RBFOX1: variants seen among roughly 807,000 people sequenced by gnomAD.
RBFOX1 encodes RNA binding fox-1 homolog 1.
RBFOX1 carries 8 observed loss-of-function variants against 57.7 expected under a neutral mutation model. That is an observed-to-expected ratio of 0.14 (90% CI 0.08 to 0.25). The LOEUF (loss-of-function observed/expected upper bound fraction) is 0.25. RBFOX1 is among the 10% of genes least tolerant of loss of function. The pLI, the probability that RBFOX1 is intolerant of heterozygous loss-of-function variation, is 1.00. For missense variants in RBFOX1, 611 were observed against 548.5 expected (o/e 1.11, Z -1.14); for synonymous variants, 326 against 222.4 (o/e 1.47, Z -4.15).
chr16:7,239,950 C>T (rs1034396783), intron 4 of RBFOX1, among the ~76,000 whole-genome samples: 3 of 152,104 alleles, frequency 2.0e-5, no homozygotes, highest in African/African-American at 7.2e-5. Context: ...AACTTCCTAC[C>T]TGTTGAAACT....
At chr16:5,955,563 G>C (rs1389415606) in intron 4 of RBFOX1, among the ~76,000 whole-genome samples, 1 of 152,020 alleles carries the variant, frequency 6.6e-6, no homozygotes, top group Non-Finnish European at 1.5e-5. Context: ...CTACAATATG[G>C]TAAATATTGT....
intron 4 of RBFOX1, among the ~76,000 whole-genome samples, chr16:5,985,751 G>C (rs2060273851): frequency 6.6e-6 from 1 of 152,140 alleles, no homozygotes; most frequent in African/African-American, 2.4e-5. Context: ...CCAAAGACAA[G>C]AATCCAGTGT....
At chr16:6,036,414 C>T (rs1177392194) in intron 1 of RBFOX1, among the ~76,000 whole-genome samples, 3 of 151,276 alleles carry the variant, frequency 2.0e-5, no homozygotes, top group African/African-American at 7.3e-5. Flanking sequence ...TTTGCCATTG[C>T]TTTTTTGGGG....
chr16:6,306,023 A>C (rs1039246504), intron 1 of RBFOX1, among the ~76,000 whole-genome samples: 6 of 151,468 alleles, frequency 4.0e-5, no homozygotes, highest in African/African-American at 1.5e-4. Flanking sequence ...AGAATTATTC[A>C]CTCCTTCACT....
At chr16:6,413,243 C>T (rs1342161283) in intron 2 of RBFOX1, among the ~76,000 whole-genome samples, 2 of 151,044 alleles carry the variant, frequency 1.3e-5, no homozygotes, top group African/African-American at 4.9e-5. Context: ...CACTTGAACC[C>T]GGAAGGCAGA....
chr16:5,254,455 T>C (rs1360812427), intron 1 of RBFOX1, among the ~76,000 whole-genome samples: 1 of 152,172 alleles, frequency 6.6e-6, no homozygotes, highest in Non-Finnish European at 1.5e-5. Context: ...ACCTTAGTTG[T>C]CAGTAGGAAA....
intron 1 of RBFOX1, among the ~76,000 whole-genome samples, chr16:5,336,202 C>G (rs1020202758): frequency 6.6e-6 from 1 of 152,118 alleles, no homozygotes; most frequent in African/African-American, 2.4e-5. Context: ...AAAGCCAGGT[C>G]TGCTGCTCTC....
chr16:7,199,530 G>A (rs970071328), intron 4 of RBFOX1, among the ~76,000 whole-genome samples: 12 of 152,146 alleles, frequency 7.9e-5, no homozygotes, highest in Admixed American at 3.9e-4. Context: ...GTATACTCAT[G>A]TTCAGAGGAA....
At chr16:6,605,407 T>C (rs2097912606) in intron 2 of RBFOX1, among the ~76,000 whole-genome samples, 1 of 151,108 alleles carries the variant, frequency 6.6e-6, no homozygotes, top group African/African-American at 2.5e-5. Flanking sequence ...ATTTATGATA[T>C]TATCAAGCAC....
At chr16:5,967,678 CTCT>C (rs2059874906) in intron 4 of RBFOX1, among the ~76,000 whole-genome samples, 1 of 152,150 alleles carries the variant, frequency 6.6e-6, no homozygotes, top group Non-Finnish European at 1.5e-5. Context: ...TTTTATCTAT[CTCT>C]TCTTCTTCCC....
intron 1 of RBFOX1, among the ~76,000 whole-genome samples, chr16:5,325,131 GCGCT>G (rs2064530210): frequency 6.6e-6 from 1 of 152,184 alleles, no homozygotes; most frequent in South Asian, 2.1e-4. Context: ...CGCTTAAGAA[GCGCT>G]GCTCTACAAC....
intron 1 of RBFOX1, among the ~76,000 whole-genome samples, chr16:5,360,131 A>G (rs528680324): frequency 6.6e-6 from 1 of 152,120 alleles, no homozygotes; most frequent in Non-Finnish European, 1.5e-5. Flanking sequence ...ACAGTTCTGG[A>G]TGTTGCTCCA....
chr16:5,258,751 A>G (rs560042736), intron 1 of RBFOX1, among the ~76,000 whole-genome samples: 5 of 152,220 alleles, frequency 3.3e-5, no homozygotes, highest in South Asian at 4.2e-4. Context: ...CCCTATCTCT[A>G]TTAAACATAC....
At chr16:5,796,926 C>T (rs1308263484) in intron 3 of RBFOX1, among the ~76,000 whole-genome samples, 1 of 152,212 alleles carries the variant, frequency 6.6e-6, no homozygotes, top group African/African-American at 2.4e-5. Flanking sequence ...TGAGGATCTA[C>T]TTTGTGCCAA....
intron 4 of RBFOX1, among the ~76,000 whole-genome samples, chr16:5,879,472 G>C (rs2057707289): frequency 6.6e-6 from 1 of 152,180 alleles, no homozygotes; most frequent in South Asian, 2.1e-4. Flanking sequence ...CGGGACTACA[G>C]GTGTGTGCCA....
At chr16:6,415,787 T>G (rs2093608791) in intron 2 of RBFOX1, among the ~76,000 whole-genome samples, 1 of 152,160 alleles carries the variant, frequency 6.6e-6, no homozygotes, top group South Asian at 2.1e-4. Flanking sequence ...AGGATATCTG[T>G]GAGATACACA....
At chr16:7,391,967 T>C (rs926606561) in intron 4 of RBFOX1, among the ~76,000 whole-genome samples, 12 of 152,242 alleles carry the variant, frequency 7.9e-5, no homozygotes, top group African/African-American at 2.9e-4. Flanking sequence ...CACTGATTAC[T>C]TGCTGCCCTT....
chr16:6,224,888 G>A (rs559494415), intron 1 of RBFOX1, among the ~76,000 whole-genome samples: 85 of 152,026 alleles, frequency 5.6e-4, no homozygotes, highest in Middle Eastern at 3.4e-3. Context: ...GTGTGGTGGT[G>A]GGCACCTGTA....
intron 3 of RBFOX1, among the ~76,000 whole-genome samples, chr16:6,944,715 A>G (rs753504752): frequency 1.6e-4 from 25 of 152,164 alleles, no homozygotes; most frequent in Non-Finnish European, 7.3e-5. Context: ...TTCCTGGGCA[A>G]CCTTTCTGCC....
Sources: gnomAD v4.1 joint callset for allele counts (sites outside exome capture counted in the v4.1 genomes callset) on GRCh38, gnomAD v4.1.1 for gene constraint, MANE v1.5 for transcripts, NCBI Gene and HGNC (gene_info 2026-07-23, HGNC 2026-07-21) for gene names.